The following CNTROB variants were observed in gnomAD, a reference collection of about 807,000 sequenced individuals.
CNTROB encodes centrobin, centriole duplication and spindle assembly protein, also known as centrobin.
A neutral mutation model predicts 115.7 loss-of-function variants in CNTROB; 82 were observed. That is an observed-to-expected ratio of 0.71 (90% CI 0.59 to 0.85). CNTROB has a LOEUF of 0.85. CNTROB is among the 40% of genes least tolerant of loss of function. The pLI is 0.00. For synonymous variants in CNTROB, 439 were observed against 456.4 expected (o/e 0.96, Z 0.49); for missense variants, 1,014 against 1,144.4 (o/e 0.89, Z 1.64).
intron 13 of CNTROB, among the ~76,000 whole-genome samples, chr17:7,946,418 G>A (rs1205397801): frequency 1.6e-5 from 2 of 123,514 alleles, no homozygotes; most frequent in African/African-American, 2.9e-5. Context: ...TAGAGACATC[G>A]GTGTCTCAGT....
chr17:7,943,577 G>A lies in CNTROB; in HGVS notation c.1445+53G>A. The A allele has an allele frequency of 6.4e-7, 1 of 1,568,176 alleles. No homozygotes were observed. On this transcript the variant is annotated intron_variant, in intron 10 of 18. Transcript: ENST00000563694. The surrounding 1 kb of genome is among the most constrained non-coding windows in gnomAD (Gnocchi z 4.7). Reference sequence around the variant, plus strand: ...CTCTCAGCCACAGCACGTATCGTTAGTGCCAGGCCTGTGTTCCCTTCAATC... The same window carrying A: ...CTCTCAGCCACAGCACGTATCGTTAATGCCAGGCCTGTGTTCCCTTCAATC...
At chr17:7,941,820 G>A (rs560754837) in intron 9 of CNTROB, among the ~76,000 whole-genome samples, 3 of 151,896 alleles carry the variant, frequency 2.0e-5, no homozygotes, top group Non-Finnish European at 2.9e-5. Flanking sequence ...AAACTTAGCC[G>A]GGTATAGTGG....
intron 13 of CNTROB, 98 bp downstream of exon 13, chr17:7,946,084 TCC>T: frequency 9.0e-7 from 1 of 1,112,950 alleles, no homozygotes; most frequent in Non-Finnish European, 1.3e-6. Flanking sequence ...GCATTTAGTT[TCC>T]CAGATGCCTT....
intron 4 of CNTROB, among the ~76,000 whole-genome samples, chr17:7,935,519 A>G (rs1257771868): frequency 6.6e-6 from 1 of 151,538 alleles, no homozygotes; most frequent in African/African-American, 2.4e-5. Flanking sequence ...AAAAACTAAA[A>G]AAGAAAAGGG....
intron 8 of CNTROB, 63 bp from the exon 9 acceptor site, chr17:7,940,033 G>C (rs1044233034): frequency 1.5e-5 from 23 of 1,498,700 alleles, no homozygotes; most frequent in Non-Finnish European, 1.9e-5. Flanking sequence ...ATGAACTGGG[G>C]AGTGTAGGTA....
intron 4 of CNTROB, among the ~76,000 whole-genome samples, chr17:7,935,494 T>A (rs370251307): frequency 2.0e-5 from 3 of 148,196 alleles, no homozygotes; most frequent in African/African-American, 7.5e-5. Context: ...AGAGCGAGAC[T>A]CCGTCTCAAA....
intron 9 of CNTROB, among the ~76,000 whole-genome samples, chr17:7,942,994 G>T (rs1974093162): frequency 1.3e-5 from 2 of 150,900 alleles, no homozygotes; most frequent in East Asian, 2.0e-4. Context: ...GTAGAAACGG[G>T]GTTTCACCGT....
chr17:7,935,534 G>A, intron 4 of CNTROB: 1 of 191,566 alleles, frequency 5.2e-6, no homozygotes, highest in Non-Finnish European at 1.1e-5. Context: ...AAAGGGCTGA[G>A]GGTTAAGAGC....
intron 13 of CNTROB, 98 bp downstream of exon 13, chr17:7,946,084 T>G (rs1476754966): frequency 1.8e-6 from 2 of 1,112,950 alleles, no homozygotes; most frequent in Non-Finnish European, 2.6e-6. Context: ...GCATTTAGTT[T>G]CCCAGATGCC....
rs749270199 is a variant in CNTROB, at chr17:7,944,100, C to T, written c.1446-23C>T. The stretch of plus-strand genomic sequence containing the variant: ...TTCTTCTGTCTCCAGTCTCAGGCCT[C>T]TTCTCCTACCTGTGCCCTGTAGGAA... On this transcript the variant is annotated intron_variant, in intron 10 of 18. Coordinates refer to ENST00000563694, the MANE Select transcript of CNTROB (RefSeq NM_053051.5). The surrounding 1 kb of genome is among the most constrained non-coding windows in gnomAD (Gnocchi z 4.0). 6.3e-7 allele frequency: 1 copy of T among 1,595,314 alleles called. No homozygotes were observed.
chr17:7,934,991 C>T lies in CNTROB; in HGVS notation c.440C>T (p.Thr147Ile), dbSNP rs1972971099. Residue 147 changes from threonine to isoleucine, a missense_variant and splice_region_variant, in exon 4 of 19, where the codon ACC becomes ATC. Coordinates refer to ENST00000563694, the MANE Select transcript of CNTROB (RefSeq NM_053051.5). ...DSDSTATLLN[T>I]RPLQDLSPSS... The stretch of plus-strand genomic sequence containing the variant: ...CATTCTCTACCTGATTTGCTCAGCA[C>T]CCGGCCCCTGCAAGACTTGTCTCCA... The T allele has an allele frequency of 6.3e-7, 1 of 1,590,074 alleles. No individual in the cohort carries two copies. Among genetic ancestry groups the T allele is most frequent in the Admixed American group, 1.8e-5 (1 of 56,182 alleles).
At position 7,948,354 on chromosome 17, in the gene CNTROB, A is replaced by G. The variant is rs1260525170; in HGVS notation, c.2380+27A>G. ...TGAGCATGTTCTGGTTTATTAGGGAAAAAAGGAGGGACAGTCCTGAGTGTG... is the reference window on the plus strand; with the variant it reads ...TGAGCATGTTCTGGTTTATTAGGGAGAAAAGGAGGGACAGTCCTGAGTGTG... On this transcript the variant is annotated intron_variant, in intron 16 of 18. Coordinates refer to ENST00000563694, the MANE Select transcript of CNTROB (RefSeq NM_053051.5). This position sits in a 1 kb window ranked among gnomAD's most constrained non-coding sequence, Gnocchi z 4.4. 1.9e-6 allele frequency: 3 copies of G among 1,613,358 alleles called. No homozygotes were observed. The highest frequency in any genetic ancestry group is 2.7e-5 in the African/African-American group (2 of 74,896).
chr17:7,945,778 G>A lies in CNTROB; in HGVS notation c.1785G>A (p.Glu595=), dbSNP rs1567933757. ...CCGGGCCTCAGGAGCCCGAGAAGGA[G>A]GAGAGGAGGGTCTGGACTATGCCTC... ...SSPGPQEPEK[E]ERRVWTMPPM... Residue 595 remains glutamate, a synonymous_variant, in exon 13 of 19, where the codon GAG becomes GAA. Transcript: ENST00000563694. 1.2e-6 allele frequency: 2 copies of A among 1,614,114 alleles called. No individual in the cohort carries two copies. Among genetic ancestry groups the A allele is most frequent in the Admixed American group, 1.7e-5 (1 of 60,012 alleles).
rs916834567 is a variant in CNTROB at position 7,949,824 on chromosome 17, T to G, written c.*314T>G. On this transcript the variant is annotated 3_prime_UTR_variant, in exon 19 of 19. Coordinates refer to ENST00000563694, the MANE Select transcript of CNTROB (RefSeq NM_053051.5). The stretch of plus-strand genomic sequence containing the variant: ...TGAACTCTGGGTGGTAGTGGAATTA[T>G]GGGTGATTCTTAGTTTTTTAATACG... 3.9e-6 allele frequency: 1 copy of G among 259,480 alleles called. No individual in the cohort carries two copies. Among genetic ancestry groups the G allele is most frequent in the African/African-American group, 2.2e-5 (1 of 45,418 alleles). The allele number at this position is 259,480 out of a possible 1,614,324, so 16.1% of individuals were successfully genotyped here.
Position 7,944,704 on chromosome 17 carries a change from G to T in CNTROB, c.1734+66G>T. ...TATTTTTATTTTTATTTTTGAGACA[G>T]GGTCTCACTCTTGCCCAGGCTGGAG... On this transcript the variant is annotated intron_variant, in intron 12 of 18. Coordinates refer to ENST00000563694, the MANE Select transcript of CNTROB (RefSeq NM_053051.5). This position sits in a 1 kb window ranked among gnomAD's most constrained non-coding sequence, Gnocchi z 4.0. 2.0e-6 allele frequency: 3 copies of T among 1,526,436 alleles called. No individual in the cohort carries two copies. The South Asian group carries it at 3.7e-5, about 19-fold the overall frequency. 94.6% of individuals were successfully genotyped at this position (1,526,436 alleles called of 1,614,324 possible).
At position 7,932,732 on chromosome 17, in the gene CNTROB, C is replaced by T; in HGVS notation, c.-348C>T. On this transcript the variant is annotated 5_prime_UTR_variant, in exon 1 of 19. Coordinates refer to ENST00000563694, the MANE Select transcript of CNTROB (RefSeq NM_053051.5). ...TCAGTTGACCGGGGATAGCCTGTGC[C>T]GGAGTTGATCTGCAGCTTCCAGCAC... 4.0e-6 allele frequency: 1 copy of T among 250,746 alleles called. No homozygotes were observed. Among genetic ancestry groups the T allele is most frequent in the Non-Finnish European group, 7.6e-6 (1 of 131,714 alleles). The allele number at this position is 250,746 out of a possible 1,614,324, so 15.5% of individuals were successfully genotyped here. A position where few individuals can be genotyped will look rare whatever the true frequency, so the allele number is the denominator to read the frequency against.
rs369493767 is a variant in CNTROB, at chr17:7,947,030, A to G, written c.1994-541A>G. The stretch of plus-strand genomic sequence containing the variant: ...AAAAAAGTTAGCCGGGCGTGGTGGC[A>G]GGCATCTGTAGTCCCAGCTACTCGG... On this transcript the variant is annotated intron_variant, in intron 13 of 18. Transcript: ENST00000563694. 1.5e-3 allele frequency among the ~76,000 whole-genome samples: 224 copies of G among 152,042 alleles called. 1 individual carries two copies. Among genetic ancestry groups the G allele is most frequent in the African/African-American group, 3.3e-3 (135 of 41,464 alleles).
intron 12 of CNTROB, 59 bp from the exon 13 acceptor site, chr17:7,945,669 G>T: frequency 1.3e-6 from 2 of 1,541,354 alleles, no homozygotes; most frequent in Non-Finnish European, 1.8e-6. Flanking sequence ...TTTGTACCAT[G>T]TCTTATCTCT....
At position 7,948,460 on chromosome 17, in the gene CNTROB, G is replaced by A. The variant is rs746003441; in HGVS notation, c.2381-27G>A. The A allele has an allele frequency of 6.8e-6, 11 of 1,613,716 alleles. No homozygotes were observed. The highest frequency in any genetic ancestry group is 3.3e-5 in the South Asian group (3 of 91,078). On this transcript the variant is annotated intron_variant, in intron 16 of 18. Coordinates refer to ENST00000563694, the MANE Select transcript of CNTROB (RefSeq NM_053051.5). This position sits in a 1 kb window ranked among gnomAD's most constrained non-coding sequence, Gnocchi z 4.4. ...CTGGGGAGACAGGCCCTAGGATGAC[G>A]CCTGTGATTATTGCGATGTCTGTCA...
Sources: gnomAD v4.1 joint callset for allele counts (sites outside exome capture counted in the v4.1 genomes callset) on GRCh38, gnomAD v4.1.1 for gene constraint, Gnocchi (gnomAD v3.1) non-coding constraint, MANE v1.5 for transcripts, NCBI Gene and HGNC (gene_info 2026-07-23, HGNC 2026-07-21) for gene names.